The following AKIRIN2 variants were observed in gnomAD, a reference collection of about 807,000 sequenced individuals.
AKIRIN2 encodes akirin-2.
In AKIRIN2, 6 loss-of-function variants were observed where a neutral mutation model predicts 29.3. The ratio of observed to expected loss-of-function variants is 0.20; its 90% confidence interval spans 0.11 to 0.40. The LOEUF is 0.40. Among genes scored for constraint, AKIRIN2 ranks in the 10% least tolerant of loss-of-function variants. The probability of loss-of-function intolerance (pLI) is 1.00; values close to 1 mark genes in which losing one functional copy is unlikely to be tolerated. For missense variants in AKIRIN2, 210 were observed against 276.1 expected, an observed-to-expected ratio of 0.76 and a Z score of 1.70; for synonymous variants, 128 against 117.5, an observed-to-expected ratio of 1.09 and a Z score of -0.58.
chr6:87,702,224 G>T lies in AKIRIN2; in HGVS notation c.-540C>A. 5.0e-6 allele frequency: 2 copies of T among 397,268 alleles called. No individual in the cohort carries two copies. Among genetic ancestry groups the T allele is most frequent in the Non-Finnish European group, 8.9e-6 (2 of 225,612 alleles). 24.6% of individuals were successfully genotyped at this position (397,268 alleles called of 1,614,324 possible). A position where few individuals can be genotyped will look rare whatever the true frequency, so the allele number is the denominator to read the frequency against. ...CACGTCCAACCGCTTCCCCTCCCTC[G>T]TAGAACTCTCCCACCCGCCGCCGGC... On this transcript the variant is annotated 5_prime_UTR_variant, in exon 1 of 5. Transcript: ENST00000257787.
chr6:87,676,596 A>ACACACACACACACACACACAC (rs1770998077), intron 3 of AKIRIN2, among the ~76,000 whole-genome samples: 1 of 142,046 alleles, frequency 7.0e-6, no homozygotes, highest in Non-Finnish European at 1.5e-5. Flanking sequence ...CTCTACTAAA[A>ACACACACACACACACACACAC]ACACACACAC....
intron 2 of AKIRIN2, among the ~76,000 whole-genome samples, chr6:87,681,023 G>A (rs1771111053): frequency 6.6e-6 from 1 of 151,708 alleles, no homozygotes; most frequent in Non-Finnish European, 1.5e-5. Flanking sequence ...ACCTAACAAA[G>A]GAGCATACAG....
intron 1 of AKIRIN2, among the ~76,000 whole-genome samples, chr6:87,686,820 CG>C (rs1224249985): frequency 6.6e-6 from 1 of 151,896 alleles, no homozygotes; most frequent in Non-Finnish European, 1.5e-5. Flanking sequence ...CCAAGGCAGG[CG>C]GATCACCTGA....
intron 1 of AKIRIN2, among the ~76,000 whole-genome samples, chr6:87,695,097 A>G (rs1771337130): frequency 6.6e-6 from 1 of 152,224 alleles, no homozygotes; most frequent in Non-Finnish European, 1.5e-5. Context: ...GAAACCCTTT[A>G]AAATGTTTCT....
At position 87,677,871 on chromosome 6, in the gene AKIRIN2, C is replaced by T. The variant is rs1342538583; in HGVS notation, c.476G>A (p.Arg159His). ...GMICERLLKE[R>H]EEKVREEYEE... is the part of the protein sequence containing the mutation. The stretch of plus-strand genomic sequence containing the variant: ...ATATTCTTCTCGAACTTTCTCTTCA[C>T]GTTCTTTCAACAAACGTTCACAGAT... The change falls in exon 3 of 5, where the codon CGT becomes CAT. Residue 159 changes from arginine to histidine, a missense_variant. Physicochemically the swap from Arg to His is conservative, Grantham distance 29. Transcript: ENST00000257787. 5 of 1,614,052 alleles carry T rather than the reference C, an allele frequency of 3.1e-6. No homozygotes were observed. Among genetic ancestry groups the T allele is most frequent in the East Asian group, 2.2e-5 (1 of 44,866 alleles).
chr6:87,677,668 A>G, intron 3 of AKIRIN2, 150 bp downstream of exon 3: 7 of 914,950 alleles, frequency 7.7e-6, no homozygotes, highest in Middle Eastern at 3.5e-4. Flanking sequence ...CATGAGCTAT[A>G]AGAAGGTTAA....
chr6:87,680,771 CCTTT>C (rs764974856), intron 2 of AKIRIN2, among the ~76,000 whole-genome samples: 131 of 87,738 alleles, frequency 1.5e-3, no homozygotes, highest in African/African-American at 4.8e-3. Flanking sequence ...CCGCCCCCCC[CCTTT>C]TTTTTTTTTT....
At chr6:87,686,034 G>C (rs1243869667) in intron 1 of AKIRIN2, among the ~76,000 whole-genome samples, 2 of 152,152 alleles carry the variant, frequency 1.3e-5, no homozygotes, top group African/African-American at 2.4e-5. Context: ...GGCCAACACA[G>C]TGAAACCCCA....
rs181864093 is a variant in AKIRIN2, at chr6:87,678,459, G to A, written c.380-492C>T. Among the ~76,000 whole-genome samples the A allele has an allele frequency of 3.7e-3, 557 of 152,102 alleles. 5 individuals carry two copies. Among genetic ancestry groups the A allele is most frequent in the African/African-American group, 0.013 (525 of 41,484 alleles). ...GGAGGTTTCAGTGAGCCGAGATCAC[G>A]CCATTGCACTCCAGCCTGGGCAAAG... On this transcript the variant is annotated intron_variant, in intron 2 of 4. Transcript: ENST00000257787.
chr6:87,680,778 T>C (rs1356078127), intron 2 of AKIRIN2, among the ~76,000 whole-genome samples: 3 of 137,836 alleles, frequency 2.2e-5, no homozygotes, highest in African/African-American at 8.1e-5. Flanking sequence ...CCCCCTTTTT[T>C]TTTTTTTTAA....
intron 2 of AKIRIN2, among the ~76,000 whole-genome samples, chr6:87,680,629 T>C (rs1314199065): frequency 6.6e-6 from 1 of 152,082 alleles, no homozygotes; most frequent in Non-Finnish European, 1.5e-5. Context: ...AGAGAAAGCG[T>C]TGAACAAAGG....
At chr6:87,689,203 A>G (rs1192983718) in intron 1 of AKIRIN2, among the ~76,000 whole-genome samples, 1 of 152,156 alleles carries the variant, frequency 6.6e-6, no homozygotes, top group Admixed American at 6.5e-5. Context: ...GCACCCCCCA[A>G]AAAATTAGCA....
rs1485678233 is a variant in AKIRIN2 at position 87,676,596 on chromosome 6, A to AACACACGCACGCGCGCACACACAC, written c.530-666_530-665insGTGTGTGTGCGCGCGTGCGTGTGT. Among the ~76,000 whole-genome samples the AACACACGCACGCGCGCACACACAC allele has an allele frequency of 1.3e-3, 181 of 142,146 alleles. 1 individual carries two copies. The highest frequency in any genetic ancestry group is 4.5e-3 in the African/African-American group (167 of 37,054). 93.3% of individuals were successfully genotyped at this position (142,146 alleles called of 152,430 possible). On this transcript the variant is annotated intron_variant, in intron 3 of 4. Transcript: ENST00000257787. ...ATGGTGAAACCCCGTCTCTACTAAA[A>AACACACGCACGCGCGCACACACAC]ACACACACACACACACACACACACA...
intron 2 of AKIRIN2, among the ~76,000 whole-genome samples, chr6:87,680,086 C>T (rs998777157): frequency 3.3e-5 from 5 of 152,146 alleles, no homozygotes; most frequent in African/African-American, 7.2e-5. Flanking sequence ...CTTAAGACTG[C>T]CAGTTAACTG....
At chr6:87,680,344 C>T (rs369362720) in intron 2 of AKIRIN2, among the ~76,000 whole-genome samples, 147 of 141,246 alleles carry the variant, frequency 1.0e-3, no homozygotes, top group Middle Eastern at 4.0e-3. Flanking sequence ...TGCAATGGCG[C>T]GATCTCTGCT....
chr6:87,687,456 AC>A (rs1771207504), intron 1 of AKIRIN2, among the ~76,000 whole-genome samples: 1 of 149,288 alleles, frequency 6.7e-6, no homozygotes, highest in Non-Finnish European at 1.5e-5. Context: ...AAAAAAAAAA[AC>A]ACACTACTTG....
chr6:87,675,284 C>T lies in AKIRIN2; in HGVS notation c.*313G>A. ...CATTCTACAGTTTTATTTACACAAC[C>T]AGTGAAGGGCATGTTCTAGAATACC... On this transcript the variant is annotated 3_prime_UTR_variant, in exon 5 of 5. Coordinates refer to ENST00000257787, the MANE Select transcript of AKIRIN2 (RefSeq NM_018064.4). 1 of 381,510 alleles carries T rather than the reference C, an allele frequency of 2.6e-6. No individual in the cohort carries two copies. The highest frequency in any genetic ancestry group is 4.0e-5 in the Admixed American group (1 of 24,856). The allele number at this position is 381,510 out of a possible 1,614,324, so 23.6% of individuals were successfully genotyped here.
intron 1 of AKIRIN2, among the ~76,000 whole-genome samples, chr6:87,685,852 A>G (rs561540978): frequency 1.4e-5 from 2 of 142,768 alleles, no homozygotes; most frequent in South Asian, 4.3e-4. Context: ...TAAAATTGCT[A>G]ATAAAATTCT....
intron 2 of AKIRIN2, among the ~76,000 whole-genome samples, 197 bp from the exon 3 acceptor site, chr6:87,678,164 C>A (rs1004499339): frequency 6.6e-6 from 1 of 152,040 alleles, no homozygotes; most frequent in East Asian, 1.9e-4. Context: ...TGGAAAAACA[C>A]GGCAAGATGT....
Sources: allele counts gnomAD v4.1 joint callset (sites outside exome capture counted in the v4.1 genomes callset), GRCh38; gene constraint gnomAD v4.1.1; transcripts MANE v1.5; gene names NCBI Gene and HGNC (gene_info 2026-07-23, HGNC 2026-07-21).